Variants in SLC26A5 observed in about 807,000 individuals in gnomAD.
SLC26A5 encodes the protein solute carrier family 26 member 5, also known as prestin.
In SLC26A5, 51 loss-of-function variants were observed where a neutral mutation model predicts 81.0. That is an observed-to-expected ratio of 0.63 (90% CI 0.50 to 0.80). The LOEUF is 0.80. Among genes scored for constraint, SLC26A5 ranks in the 30% least tolerant of loss-of-function variants. SLC26A5 has a pLI of 0.00. For missense variants in SLC26A5, 771 were observed against 905.8 expected, an observed-to-expected ratio of 0.85 and a Z score of 1.91; for synonymous variants, 325 against 332.8, an observed-to-expected ratio of 0.98 and a Z score of 0.25.
At chr7:103,374,657 A>T in intron 19 of SLC26A5, 65 bp from the exon 20 acceptor site, 1 of 1,485,674 alleles carries the variant, frequency 6.7e-7, no homozygotes, top group Non-Finnish European at 9.3e-7. Flanking sequence ...ATTAAAAAAA[A>T]GTAACACTTC....
chr7:103,362,772 G>A (rs1174930770), intron 19 of SLC26A5: 12 of 1,538,010 alleles, frequency 7.8e-6, no homozygotes, highest in Non-Finnish European at 9.8e-6. Flanking sequence ...AGAAACTATG[G>A]GAGGGAAAAG....
chr7:103,373,279 C>G (rs1821132653), downstream of SLC26A5, among the ~76,000 whole-genome samples: 1 of 152,086 alleles, frequency 6.6e-6, no homozygotes, highest in Non-Finnish European at 1.5e-5. Flanking sequence ...AAACTTAGAT[C>G]AATAGATTAG....
chr7:103,426,396 T>C (rs1586368102), intron 2 of SLC26A5, among the ~76,000 whole-genome samples: 2 of 152,336 alleles, frequency 1.3e-5, no homozygotes, highest in Middle Eastern at 6.8e-3. Context: ...AATTTGCATA[T>C]TAATCAAGAA....
At chr7:103,419,285 T>A (rs2116708710) in intron 4 of SLC26A5, among the ~76,000 whole-genome samples, 1 of 152,290 alleles carries the variant, frequency 6.6e-6, no homozygotes, top group South Asian at 2.1e-4. Flanking sequence ...TGCTGATAGC[T>A]TTTCACTGTA....
chr7:103,370,752 C>A (rs1820987755), downstream of SLC26A5, among the ~76,000 whole-genome samples: 1 of 152,128 alleles, frequency 6.6e-6, no homozygotes, highest in South Asian at 2.1e-4. Flanking sequence ...GTTTCCTGGG[C>A]CCTGGTTCAC....
At chr7:103,377,825 G>A in intron 17 of SLC26A5, 26 bp from the exon 18 acceptor site, 1 of 1,602,254 alleles carries the variant, frequency 6.2e-7, no homozygotes, top group Non-Finnish European at 8.5e-7. Flanking sequence ...AACCAAACCA[G>A]AATTTTATGA....
chr7:103,368,640 T>C (rs1820850259), intron 19 of SLC26A5: 2 of 152,180 alleles, frequency 1.3e-5, no homozygotes, highest in Admixed American at 6.5e-5. Context: ...ATGTTTTGCA[T>C]TGCCATTTGA....
In SLC26A5 at chr7:103,389,064, A is replaced by G. The variant is rs1333402811; in HGVS notation, c.1458T>C (p.Tyr486=). The change falls in exon 14 of 20, where the codon TAT becomes TAC. Residue 486 remains tyrosine (Y), a synonymous_variant. Coordinates refer to ENST00000306312, the MANE Select transcript of SLC26A5 (RefSeq NM_198999.3). ...FVSSLFLGLD[Y]GLITAVIIAL... The stretch of plus-strand genomic sequence containing the variant: ...CAATGATCACAGCAGTGATCAAACC[A>G]TAGTCCAATCCCAGGAACAAGGAGG... 1 of 1,613,918 alleles carries G rather than the reference A, an allele frequency of 6.2e-7. No individual in the cohort carries two copies. The highest frequency in any genetic ancestry group is 1.7e-5 in the Admixed American group (1 of 60,004).
At chr7:103,426,337 A>G (rs1472012625) in intron 2 of SLC26A5, among the ~76,000 whole-genome samples, 1 of 152,194 alleles carries the variant, frequency 6.6e-6, no homozygotes, top group Admixed American at 6.5e-5. Flanking sequence ...AAGCATTAAG[A>G]TATGCACTAT....
chr7:103,410,153 A>C (rs971817616), intron 7 of SLC26A5, among the ~76,000 whole-genome samples: 2 of 152,200 alleles, frequency 1.3e-5, no homozygotes, highest in Non-Finnish European at 2.9e-5. Flanking sequence ...AGACCTAGCA[A>C]AAAATTCCTT....
chr7:103,429,169 G>C (rs1302859423), intron 2 of SLC26A5, among the ~76,000 whole-genome samples: 1 of 152,136 alleles, frequency 6.6e-6, no homozygotes, highest in Non-Finnish European at 1.5e-5. Context: ...GAAACTAAGA[G>C]CCATCATCAG....
chr7:103,419,182 C>T (rs1175405849), intron 4 of SLC26A5, among the ~76,000 whole-genome samples: 2 of 152,174 alleles, frequency 1.3e-5, no homozygotes, highest in Non-Finnish European at 2.9e-5. Context: ...GTCTATTAAA[C>T]CTCTTTTTCT....
intron 2 of SLC26A5, among the ~76,000 whole-genome samples, chr7:103,437,848 T>C (rs1044308076): frequency 2.0e-5 from 3 of 152,202 alleles, no homozygotes; most frequent in Non-Finnish European, 4.4e-5. Flanking sequence ...GAATAGGTTT[T>C]GAGAGCGATT....
chr7:103,439,032 A>C (rs1001341584), intron 2 of SLC26A5, among the ~76,000 whole-genome samples: 6 of 152,250 alleles, frequency 3.9e-5, no homozygotes, highest in Non-Finnish European at 8.8e-5. Context: ...TCTGGTCTGC[A>C]GTATAAACTA....
chr7:103,355,044 G>A, intron 19 of SLC26A5: 1 of 802,512 alleles, frequency 1.2e-6, no homozygotes, highest in Middle Eastern at 2.5e-4. Context: ...CATGATTACA[G>A]ATTTAAAAAA....
intron 14 of SLC26A5, among the ~76,000 whole-genome samples, chr7:103,384,426 G>T (rs541115791): frequency 6.6e-6 from 1 of 152,066 alleles, no homozygotes; most frequent in African/African-American, 2.4e-5. Flanking sequence ...GCCTGGCCAA[G>T]ATGGTGAAAC....
downstream of SLC26A5, among the ~76,000 whole-genome samples, chr7:103,369,761 G>T (rs748402790): frequency 6.6e-6 from 1 of 152,138 alleles, no homozygotes; most frequent in Non-Finnish European, 1.5e-5. Context: ...GTGCTGATAA[G>T]TTAGAATACA....
At chr7:103,410,336 G>C (rs939717530) in intron 7 of SLC26A5, 49 bp downstream of exon 7, 80 of 1,475,812 alleles carry the variant, frequency 5.4e-5, no homozygotes, top group South Asian at 3.7e-4. Flanking sequence ...GAGAAGGTTG[G>C]GGGGAATAAA....
At chr7:103,371,051 A>C (rs1354966500), downstream of SLC26A5, among the ~76,000 whole-genome samples, 2 of 152,244 alleles carry the variant, frequency 1.3e-5, no homozygotes, top group Non-Finnish European at 2.9e-5. Context: ...ATTTCCTTGA[A>C]AGCCAGAGAC....
Sources: gnomAD v4.1 joint callset for allele counts (sites outside exome capture counted in the v4.1 genomes callset) on GRCh38, gnomAD v4.1.1 for gene constraint, MANE v1.5 for transcripts, NCBI Gene and HGNC (gene_info 2026-07-23, HGNC 2026-07-21) for gene names.